ITGB6: variants seen among roughly 807,000 people sequenced by gnomAD.
ITGB6 encodes the protein integrin subunit beta 6, also known as integrin beta-6.
ITGB6 carries 80 observed loss-of-function variants against 84.5 expected under a neutral mutation model. That is an observed-to-expected ratio of 0.95 (90% CI 0.79 to 1.14). The LOEUF (loss-of-function observed/expected upper bound fraction) is 1.14, where lower values mean the gene tolerates loss of function less well. Among genes scored for constraint, ITGB6 ranks in the 50% most tolerant of loss-of-function variants. ITGB6 has a pLI of 0.00. For synonymous variants in ITGB6, 383 were observed against 354.9 expected (o/e 1.08, Z -0.89); for missense variants, 1,006 against 968.0 (o/e 1.04, Z -0.52).
At chr2:160,166,216 T>C (rs1684996010) in intron 7 of ITGB6, among the ~76,000 whole-genome samples, 1 of 152,180 alleles carries the variant, frequency 6.6e-6, no homozygotes, top group South Asian at 2.1e-4. Flanking sequence ...GAGATATTAA[T>C]CAGTGGTCAT....
At chr2:160,180,903 C>T (rs1409159829) in intron 4 of ITGB6, among the ~76,000 whole-genome samples, 1 of 152,194 alleles carries the variant, frequency 6.6e-6, no homozygotes, top group Non-Finnish European at 1.5e-5. Context: ...ACTCCCTCCC[C>T]TAGCCAAGGG....
intron 4 of ITGB6, among the ~76,000 whole-genome samples, chr2:160,193,982 C>G (rs1686238450): frequency 6.6e-6 from 1 of 152,164 alleles, no homozygotes; most frequent in African/African-American, 2.4e-5. Context: ...CATAGCGAAA[C>G]CCAGTCACTA....
At chr2:160,113,756 T>C (rs1682632167) in intron 12 of ITGB6, among the ~76,000 whole-genome samples, 1 of 152,216 alleles carries the variant, frequency 6.6e-6, no homozygotes, top group African/African-American at 2.4e-5. Flanking sequence ...ATTAAGAGAT[T>C]TGGTGAGATG....
At position 160,172,233 on chromosome 2, in the gene ITGB6, T is replaced by C. The variant is rs546970446; in HGVS notation, c.921+336A>G. On this transcript the variant is annotated intron_variant, in intron 6 of 14. Transcript: ENST00000283249. ...CACTGCAAATCCTATGTGGCTACTGTTCTGGTCTGGGTCCCTCCTTTCTGA... is the reference window on the plus strand; with the variant it reads ...CACTGCAAATCCTATGTGGCTACTGCTCTGGTCTGGGTCCCTCCTTTCTGA... 1.4e-4 allele frequency among the ~76,000 whole-genome samples: 21 copies of C among 152,372 alleles called. No individual in the cohort carries two copies. In the South Asian group the frequency reaches 4.4e-3, roughly 32 times the overall value.
chr2:160,186,504 T>C (rs995633997), intron 4 of ITGB6, among the ~76,000 whole-genome samples: 1 of 152,232 alleles, frequency 6.6e-6, no homozygotes, highest in African/African-American at 2.4e-5. Flanking sequence ...GAAATGCTTT[T>C]ACACTGTTGG....
chr2:160,151,099 T>A (rs1388536645), intron 7 of ITGB6, among the ~76,000 whole-genome samples: 1 of 152,178 alleles, frequency 6.6e-6, no homozygotes, highest in African/African-American at 2.4e-5. Context: ...GCAGACCTAA[T>A]AGATGTCTAC....
intron 11 of ITGB6, among the ~76,000 whole-genome samples, chr2:160,125,809 T>TAAGAG (rs1553479017): frequency 6.6e-6 from 1 of 151,356 alleles, no homozygotes; most frequent in Non-Finnish European, 1.5e-5. Context: ...GCATATGATA[T>TAAGAG]AAAACACAAT....
chr2:160,119,960 C>T (rs1682957236), intron 12 of ITGB6, among the ~76,000 whole-genome samples: 1 of 152,042 alleles, frequency 6.6e-6, no homozygotes, highest in Non-Finnish European at 1.5e-5. Flanking sequence ...ATCAAAACCA[C>T]AATGAGATAC....
chr2:160,196,320 T>A lies in ITGB6; in HGVS notation c.242A>T (p.Gln81Leu). 6.2e-7 allele frequency: 1 copy of A among 1,614,106 alleles called. No homozygotes were observed. Among genetic ancestry groups the A allele is most frequent in the Non-Finnish European group, 8.5e-7 (1 of 1,179,982 alleles). ...QLNFIENPVSQVEILKNKPLS... is the reference protein window; with the variant it reads ...QLNFIENPVSLVEILKNKPLS... ...AGGCTTATTTTTAAGTATTTCTACT[T>A]GGGAGACAGGGTTTTCGATGAAGTT... The change falls in exon 3 of 15, where the codon CAA (glutamine) becomes CTA (leucine). Residue 81 changes from glutamine (Q) to leucine (L), a missense_variant. By Grantham distance (113) the Gln-to-Leu change is moderately radical (BLOSUM62 -2). Transcript: ENST00000283249.
chr2:160,126,438 T>G lies in ITGB6; in HGVS notation c.1824A>C (p.Gly608=). 1 of 1,614,130 alleles carries G rather than the reference T, an allele frequency of 6.2e-7. No homozygotes were observed. The highest frequency in any genetic ancestry group is 8.5e-7 in the Non-Finnish European group (1 of 1,180,006). ...ATCGTTCACAGGTTGGTCCTGAGGC[T>G]CCAGGGTTTGTGCAAACACACTTGC... ...VCGKCVCTNP[G]ASGPTCERCP... Residue 608 remains glycine (G), a synonymous_variant, in exon 11 of 15, where the codon GGA becomes GGC. Transcript: ENST00000283249.
At chr2:160,114,829 A>C (rs1682693290) in intron 12 of ITGB6, among the ~76,000 whole-genome samples, 1 of 152,238 alleles carries the variant, frequency 6.6e-6, no homozygotes, top group African/African-American at 2.4e-5. Flanking sequence ...CAATGGGCTT[A>C]AAAAATGGCA....
rs376927196 is a variant in ITGB6, at chr2:160,169,287, T to C, written c.942A>G (p.Gln314=). Reference sequence around the variant, plus strand: ...TGTTTTGTACCAGTTTATCAATGAGTTGTCCAATTGTTGGATATTCCTAAA... The same window carrying C: ...TGTTTTGTACCAGTTTATCAATGAGCTGTCCAATTGTTGGATATTCCTAAA... The part of the protein sequence containing the change: ...STVLEYPTIG[Q]LIDKLVQNNV... The change falls in exon 7 of 15, where the codon CAA becomes CAG. Residue 314 remains glutamine, a synonymous_variant. Transcript: ENST00000283249. The C allele has an allele frequency of 8.7e-5, 139 of 1,592,896 alleles. 1 individual carries two copies. The East Asian group carries it at 2.9e-3, about 33-fold the overall frequency.
rs1414747829 is a variant in ITGB6 at position 160,171,325 on chromosome 2, A to ATCTATTTTTTTTTTTTTT, written c.921+1243_921+1244insAAAAAAAAAAAAAATAGA. On this transcript the variant is annotated intron_variant, in intron 6 of 14. Coordinates refer to ENST00000283249, the MANE Select transcript of ITGB6 (RefSeq NM_000888.5). ...CTCAGACTGCTGCTTCAGAAATCAA[A>ATCTATTTTTTTTTTTTTT]TTTATTTTTTTATTTTTTTTTTTTT... 1.6e-5 allele frequency among the ~76,000 whole-genome samples: 2 copies of ATCTATTTTTTTTTTTTTT among 126,004 alleles called. 1 individual carries two copies. Among genetic ancestry groups the ATCTATTTTTTTTTTTTTT allele is most frequent in the Non-Finnish European group, 3.6e-5 (2 of 54,858 alleles). The allele number at this position is 126,004 out of a possible 152,430, so 82.7% of individuals were successfully genotyped here.
Position 160,123,769 on chromosome 2 carries a change from AACAATTTAAG to A in ITGB6, c.1981+12_1981+21del. 5.0e-6 allele frequency: 8 copies of A among 1,594,190 alleles called. No homozygotes were observed. In the South Asian group the frequency reaches 8.8e-5, roughly 18 times the overall value. On this transcript the variant is annotated intron_variant, in intron 12 of 14. Coordinates refer to ENST00000283249, the MANE Select transcript of ITGB6 (RefSeq NM_000888.5). ...TCAAGAACTACATAAGGAAATGAAA[AACAATTTAAG>A]ACAAGCAGAACCTTCTTCTTCACTG... is the stretch of plus-strand genomic sequence containing the variant.
intron 1 of ITGB6, among the ~76,000 whole-genome samples, chr2:160,199,740 C>G (rs568989033): frequency 6.6e-6 from 1 of 152,356 alleles, no homozygotes; most frequent in Non-Finnish European, 1.5e-5. Context: ...CATACTGGCA[C>G]TAAGTTCCAT....
At chr2:160,115,066 G>T (rs1354400653) in intron 12 of ITGB6, among the ~76,000 whole-genome samples, 2 of 151,570 alleles carry the variant, frequency 1.3e-5, no homozygotes, top group Non-Finnish European at 2.9e-5. Context: ...TCCACCTCTG[G>T]GGGCAGGGCA....
At chr2:160,125,020 A>G (rs775292170) in intron 11 of ITGB6, among the ~76,000 whole-genome samples, 2 of 152,178 alleles carry the variant, frequency 1.3e-5, no homozygotes, top group African/African-American at 2.4e-5. Context: ...TGGCTGCCCT[A>G]GCTAGTCTGG....
intron 7 of ITGB6, among the ~76,000 whole-genome samples, chr2:160,149,202 G>A (rs1203661636): frequency 6.6e-6 from 1 of 152,188 alleles, no homozygotes; most frequent in Admixed American, 6.5e-5. Context: ...AGTAGGGGCC[G>A]ACAGACACCT....
chr2:160,125,321 C>T (rs887665835), intron 11 of ITGB6, among the ~76,000 whole-genome samples: 1 of 152,198 alleles, frequency 6.6e-6, no homozygotes, highest in South Asian at 2.1e-4. Context: ...AAGGAGGTCA[C>T]TACCTGATTC....
Sources: allele counts gnomAD v4.1 joint callset (sites outside exome capture counted in the v4.1 genomes callset), GRCh38; gene constraint gnomAD v4.1.1; transcripts MANE v1.5; gene names NCBI Gene and HGNC (gene_info 2026-07-23, HGNC 2026-07-21).